CDH13: variants seen among roughly 807,000 people sequenced by gnomAD.
CDH13 encodes cadherin 13.
In CDH13, 24 loss-of-function variants were observed where a neutral mutation model predicts 63.8. The ratio of observed to expected loss-of-function variants is 0.38; its 90% CI spans 0.27 to 0.53. The LOEUF is 0.53. Among genes scored for constraint, CDH13 ranks in the 20% least tolerant of loss-of-function variants. The pLI, the probability that CDH13 is intolerant of heterozygous loss-of-function variation, is 0.85. For missense variants in CDH13, 1,049 were observed against 903.1 expected (o/e 1.16, Z -2.07); for synonymous variants, 503 against 355.3 (o/e 1.42, Z -4.67).
rs1249392048 is a variant in CDH13, at chr16:83,047,274, G to A, written c.366+15056G>A. Among the ~76,000 whole-genome samples the A allele has an allele frequency of 6.6e-6, 1 of 152,116 alleles. No homozygotes were observed. The highest frequency in any genetic ancestry group is 2.4e-5 in the African/African-American group (1 of 41,424). ...ATTTATTTTTTTGGTAAAGGCCTCT[G>A]CTGTGAATTTAAGTCATCTAATCAA... On this transcript the variant is annotated intron_variant, in intron 3 of 13. Coordinates refer to ENST00000567109, the MANE Select transcript of CDH13 (RefSeq NM_001257.5). The surrounding 1 kb of genome is among the most constrained non-coding windows in gnomAD (Gnocchi z 4.9).
intron 5 of CDH13, among the ~76,000 whole-genome samples, chr16:83,266,658 G>T (rs915168708): frequency 3.3e-5 from 5 of 152,206 alleles, no homozygotes; most frequent in African/African-American, 1.2e-4. Context: ...TTAAGGCAAA[G>T]AAGTTTAAGT....
intron 2 of CDH13, among the ~76,000 whole-genome samples, chr16:83,025,597 A>G (rs1042491259): frequency 2.6e-5 from 4 of 152,096 alleles, no homozygotes; most frequent in African/African-American, 4.8e-5. Flanking sequence ...AGGAACTACA[A>G]TTCAAGATGA....
intron 6 of CDH13, among the ~76,000 whole-genome samples, chr16:83,349,086 A>G (rs1273187175): frequency 6.6e-6 from 1 of 152,222 alleles, no homozygotes; most frequent in Non-Finnish European, 1.5e-5. Flanking sequence ...GCTGCTCAGC[A>G]CTGAACTCCG....
intron 1 of CDH13, among the ~76,000 whole-genome samples, chr16:82,687,745 C>A (rs538206844): frequency 6.6e-6 from 1 of 152,080 alleles, no homozygotes; most frequent in African/African-American, 2.4e-5. Context: ...GGATAGATAT[C>A]ATTTGGAATA....
chr16:83,271,520 C>T (rs888458395), intron 5 of CDH13, among the ~76,000 whole-genome samples: 10 of 87,162 alleles, frequency 1.1e-4, no homozygotes, highest in Non-Finnish European at 2.4e-4. Flanking sequence ...CAAAACAAAA[C>T]AACAACAACA....
intron 3 of CDH13, among the ~76,000 whole-genome samples, chr16:83,086,009 C>A (rs2033570310): frequency 6.6e-6 from 1 of 152,170 alleles, no homozygotes; most frequent in Non-Finnish European, 1.5e-5. Context: ...ATCAGCACAG[C>A]CTTCTACAGC....
chr16:83,487,744 C>T (rs568249534), intron 7 of CDH13, among the ~76,000 whole-genome samples: 9 of 152,320 alleles, frequency 5.9e-5, no homozygotes, highest in African/African-American at 1.7e-4. Context: ...ATCAGCTCCA[C>T]GTAACTGCTG....
At chr16:82,758,710 AATGGGCTATGGG>A (rs1459003984) in intron 1 of CDH13, among the ~76,000 whole-genome samples, 7 of 152,162 alleles carry the variant, frequency 4.6e-5, no homozygotes, top group African/African-American at 1.4e-4. Flanking sequence ...CTTTCTTCTA[AATGGGCTATGGG>A]TGTAACAGGC....
chr16:82,809,657 ATAAAGGTAT>A (rs2037342643), intron 1 of CDH13, among the ~76,000 whole-genome samples: 1 of 152,148 alleles, frequency 6.6e-6, no homozygotes, highest in Non-Finnish European at 1.5e-5. Flanking sequence ...CTCAAGCAAC[ATAAAGGTAT>A]TAAAGTGATG....
chr16:83,554,517 T>C (rs933271374), intron 7 of CDH13, among the ~76,000 whole-genome samples: 2 of 152,188 alleles, frequency 1.3e-5, no homozygotes, highest in Admixed American at 6.5e-5. Context: ...AAGCCACTTA[T>C]GTTAAAATTT....
chr16:83,418,521 T>C (rs933009450), intron 6 of CDH13, among the ~76,000 whole-genome samples: 4 of 152,144 alleles, frequency 2.6e-5, no homozygotes, highest in Non-Finnish European at 5.9e-5. Context: ...GGGGACAATA[T>C]AGTGAGGGTA....
chr16:83,591,713 C>T (rs910146053), intron 7 of CDH13, among the ~76,000 whole-genome samples: 1 of 152,188 alleles, frequency 6.6e-6, no homozygotes, highest in African/African-American at 2.4e-5. Context: ...CGAAGCACTC[C>T]CAGTTAGTAG....
chr16:83,600,443 T>C (rs1193924688), intron 7 of CDH13, among the ~76,000 whole-genome samples: 1 of 152,214 alleles, frequency 6.6e-6, no homozygotes, highest in East Asian at 1.9e-4. Flanking sequence ...GGAACAGCAA[T>C]GAATGGTGTC....
chr16:83,684,649 C>T (rs1037498671), intron 10 of CDH13, among the ~76,000 whole-genome samples: 5 of 152,194 alleles, frequency 3.3e-5, no homozygotes, highest in African/African-American at 1.2e-4. Flanking sequence ...GTAAACAATT[C>T]CACAGCAGAG....
chr16:82,770,714 C>G (rs1567516385), intron 1 of CDH13, among the ~76,000 whole-genome samples: 1 of 152,240 alleles, frequency 6.6e-6, no homozygotes, highest in East Asian at 1.9e-4. Flanking sequence ...TTCTATATTT[C>G]CTTTTTTTCT....
chr16:83,101,435 C>G (rs560081761), intron 3 of CDH13, among the ~76,000 whole-genome samples: 2 of 143,204 alleles, frequency 1.4e-5, no homozygotes, highest in Non-Finnish European at 3.0e-5. Flanking sequence ...TGTGATATTG[C>G]CAAAAAAAAA....
intron 2 of CDH13, among the ~76,000 whole-genome samples, chr16:82,938,671 G>C (rs2042742020): frequency 6.6e-6 from 1 of 152,174 alleles, no homozygotes; most frequent in Non-Finnish European, 1.5e-5. Flanking sequence ...AGTGTGTATA[G>C]TTTATTTAAA....
chr16:82,880,360 G>T (rs1033511938), intron 2 of CDH13, among the ~76,000 whole-genome samples: 6 of 152,046 alleles, frequency 3.9e-5, no homozygotes, highest in Admixed American at 3.3e-4. Flanking sequence ...CATGGTACCC[G>T]CTGGGTTGAT....
chr16:83,708,566 G>C (rs1052677611), intron 10 of CDH13, among the ~76,000 whole-genome samples: 5 of 152,084 alleles, frequency 3.3e-5, no homozygotes, highest in African/African-American at 1.2e-4. Context: ...TGCTAACCAT[G>C]CTAGGCTAAG....
Sources: gnomAD v4.1 joint callset for allele counts (sites outside exome capture counted in the v4.1 genomes callset) on GRCh38, gnomAD v4.1.1 for gene constraint, Gnocchi (gnomAD v3.1) non-coding constraint, MANE v1.5 for transcripts, NCBI Gene and HGNC (gene_info 2026-07-23, HGNC 2026-07-21) for gene names.